The following TECR variants were observed in gnomAD, a reference collection of about 807,000 sequenced individuals.
The protein encoded by TECR is very-long-chain enoyl-CoA reductase.
In TECR, 19 loss-of-function variants were observed where a neutral mutation model predicts 50.6. The ratio of observed to expected loss-of-function variants is 0.38; its 90% CI spans 0.26 to 0.55. The LOEUF (loss-of-function observed/expected upper bound fraction) is 0.55. TECR is among the 20% of genes least tolerant of loss of function. The probability of loss-of-function intolerance (pLI) is 0.79; values close to 1 mark genes in which losing one functional copy is unlikely to be tolerated. For missense variants in TECR, 313 were observed against 408.3 expected, an observed-to-expected ratio of 0.77 and a Z score of 2.01; for synonymous variants, 168 against 163.5, an observed-to-expected ratio of 1.03 and a Z score of -0.21.
At chr19:14,537,744 G>GTT (rs533380690) in intron 1 of TECR, among the ~76,000 whole-genome samples, 24,626 of 126,086 alleles carry the variant, frequency 0.2, 2,753 homozygotes, top group South Asian at 0.39. Flanking sequence ...AATTATCAGT[G>GTT]TTTTTTTTTT....
rs1292729144 is a variant in TECR, at chr19:14,529,612, G to A, written c.-85G>A. ...GAGCCGCGTTTAGTCTATCGCTGCG[G>A]TTGCGAGCGCTGTAGGGAGCCTGTG... On this transcript the variant is annotated 5_prime_UTR_variant, in exon 1 of 13. Transcript: ENST00000215567. The A allele has an allele frequency of 6.2e-7, 1 of 1,602,392 alleles. No individual in the cohort carries two copies. Among genetic ancestry groups the A allele is most frequent in the Non-Finnish European group, 8.5e-7 (1 of 1,169,988 alleles).
At chr19:14,528,798 G>A (rs2146539568), upstream of TECR, among the ~76,000 whole-genome samples, 1 of 152,176 alleles carries the variant, frequency 6.6e-6, no homozygotes, top group East Asian at 1.9e-4. Context: ...ACAAAAATTA[G>A]TCGGGCGTGG....
chr19:14,563,891 C>T lies in TECR; in HGVS notation c.255C>T (p.Ile85=), dbSNP rs1349204756. The T allele has an allele frequency of 3.1e-6, 5 of 1,613,960 alleles. No homozygotes were observed. In the African/African-American group the frequency reaches 6.7e-5, roughly 22 times the overall value. ...ACTTCCGGGACCTGGGGGCCCAGAT[C>T]AGCTGGGTGACGGTGAGTCCTGACC... ...TLYFRDLGAQ[I]SWVTVFLTEY... is the part of the protein sequence containing the mutation. Residue 85 remains isoleucine (I), a synonymous_variant, in exon 5 of 13, where the codon ATC becomes ATT. Coordinates refer to ENST00000215567, the MANE Select transcript of TECR (RefSeq NM_138501.6). The surrounding 1 kb of genome is among the most constrained non-coding windows in gnomAD (Gnocchi z 5.3).
chr19:14,553,525 T>C (rs1225434613), intron 1 of TECR, among the ~76,000 whole-genome samples: 1 of 152,144 alleles, frequency 6.6e-6, no homozygotes, highest in Non-Finnish European at 1.5e-5. Context: ...GTGGTATTTC[T>C]GGCCGAGCAG....
At chr19:14,533,271 T>A (rs901617139) in intron 1 of TECR, among the ~76,000 whole-genome samples, 1 of 151,644 alleles carries the variant, frequency 6.6e-6, no homozygotes, top group African/African-American at 2.4e-5. Context: ...AAATAAAAAA[T>A]TAGCTGGGTG....
chr19:14,540,931 T>C (rs1201090108), intron 1 of TECR, among the ~76,000 whole-genome samples: 5 of 151,996 alleles, frequency 3.3e-5, no homozygotes, highest in Non-Finnish European at 7.4e-5. Flanking sequence ...GCTTTCCGGT[T>C]TCAAGCCATT....
intron 12 of TECR, 30 bp downstream of exon 12, chr19:14,565,693 C>A: frequency 6.2e-7 from 1 of 1,611,860 alleles, no homozygotes; most frequent in Non-Finnish European, 8.5e-7. Context: ...TCGGCGGGGC[C>A]CTGCCCCTCC....
At chr19:14,558,213 G>T (rs887443196) in intron 1 of TECR, among the ~76,000 whole-genome samples, 2 of 152,196 alleles carry the variant, frequency 1.3e-5, no homozygotes, top group Non-Finnish European at 2.9e-5. Flanking sequence ...GGGCAGGTCT[G>T]CTTCTCTGGG....
At chr19:14,536,084 C>A (rs574863105) in intron 1 of TECR, among the ~76,000 whole-genome samples, 15 of 152,160 alleles carry the variant, frequency 9.9e-5, no homozygotes, top group South Asian at 6.2e-4. Flanking sequence ...ACCTGAGACC[C>A]AGAGAACAAG....
At chr19:14,549,835 C>T (rs1054545096) in intron 1 of TECR, among the ~76,000 whole-genome samples, 2 of 151,810 alleles carry the variant, frequency 1.3e-5, no homozygotes, top group Non-Finnish European at 2.9e-5. Flanking sequence ...CCCAGCTACT[C>T]AGGAGGCTGA....
chr19:14,551,913 C>T (rs10420177), intron 1 of TECR, among the ~76,000 whole-genome samples: 1,524 of 133,738 alleles, frequency 0.011, 9 homozygotes, highest in Non-Finnish European at 0.018. Context: ...CTCTCTCTCC[C>T]CCTCCCTCCC....
intron 1 of TECR, chr19:14,536,659 G>A (rs1484741840): frequency 6.6e-6 from 1 of 152,158 alleles, no homozygotes; most frequent in Non-Finnish European, 1.5e-5. Flanking sequence ...CCAACTCTGT[G>A]TTCAGGGATA....
chr19:14,551,025 C>T (rs1191562817), intron 1 of TECR, among the ~76,000 whole-genome samples: 3 of 151,728 alleles, frequency 2.0e-5, no homozygotes, highest in Non-Finnish European at 4.4e-5. Context: ...ACCTTAAATT[C>T]AGGATAATGT....
At chr19:14,562,246 T>C (rs1599495523) in intron 1 of TECR, 1 of 603,308 alleles carries the variant, frequency 1.7e-6, no homozygotes, top group Non-Finnish European at 2.9e-6. Context: ...CGGCACGGGC[T>C]CCTTTCCAGC....
At chr19:14,547,344 T>A (rs1169792332) in intron 1 of TECR, among the ~76,000 whole-genome samples, 1 of 99,080 alleles carries the variant, frequency 1.0e-5, no homozygotes, top group Non-Finnish European at 2.4e-5. Flanking sequence ...GTACCTGGCC[T>A]ATTTTATTTT....
chr19:14,554,481 A>G (rs765672466), intron 1 of TECR, among the ~76,000 whole-genome samples: 4 of 152,182 alleles, frequency 2.6e-5, no homozygotes, highest in Non-Finnish European at 2.9e-5. Context: ...CAGCAAGGCC[A>G]TTGAACCTGC....
Position 14,563,946 on chromosome 19 carries a change from C to T in TECR, c.268-36C>T, listed in dbSNP as rs372047301. On this transcript the variant is annotated intron_variant, in intron 5 of 12. Transcript: ENST00000215567. This position sits in a 1 kb window ranked among gnomAD's most constrained non-coding sequence, Gnocchi z 5.3. The stretch of plus-strand genomic sequence containing the variant: ...CCACGGCCTCTTTTCCCGTCAGCCA[C>T]GTTGGGTGACTCATCTTGCCCCCCT... The T allele has an allele frequency of 1.2e-5, 20 of 1,613,648 alleles. No individual in the cohort carries two copies. The African/African-American group carries it at 1.3e-4, about 11-fold the overall frequency.
chr19:14,527,888 C>CT (rs968236182), upstream of TECR: 3 of 151,130 alleles, frequency 2.0e-5, no homozygotes, highest in Non-Finnish European at 2.9e-5. Context: ...AAAGTCTTTT[C>CT]TTTTTTTTTC....
intron 7 of TECR, among the ~76,000 whole-genome samples, chr19:14,564,508 A>G (rs1054185381): frequency 1.1e-4 from 7 of 61,076 alleles, no homozygotes; most frequent in Admixed American, 4.5e-4. Context: ...AGGCCTGCCT[A>G]TCCACCCTAG....
Sources: gnomAD v4.1 joint callset for allele counts (sites outside exome capture counted in the v4.1 genomes callset) on GRCh38, gnomAD v4.1.1 for gene constraint, Gnocchi (gnomAD v3.1) non-coding constraint, MANE v1.5 for transcripts, NCBI Gene and HGNC (gene_info 2026-07-23, HGNC 2026-07-21) for gene names.